The following NUDC variants were observed in gnomAD, a reference collection of about 807,000 sequenced individuals.
NUDC encodes the protein nuclear distribution C, dynein complex regulator.
Under a neutral mutation model 45.0 loss-of-function variants are expected in NUDC, and 14 were observed. That is an observed-to-expected ratio of 0.31 (90% CI 0.21 to 0.49). The LOEUF is 0.49. NUDC is among the 20% of genes least tolerant of loss of function. NUDC has a pLI of 0.99. For synonymous variants in NUDC, 153 were observed against 156.7 expected (o/e 0.98, Z 0.17); for missense variants, 323 against 426.2 (o/e 0.76, Z 2.13).
chr1:26,910,332 T>C (rs1320814261), intron 2 of NUDC, among the ~76,000 whole-genome samples: 3 of 152,142 alleles, frequency 2.0e-5, no homozygotes, highest in African/African-American at 7.2e-5. Flanking sequence ...CCAAGTTGTG[T>C]TGTTTGTATT....
intron 2 of NUDC, among the ~76,000 whole-genome samples, chr1:26,929,438 A>C (rs1254654869): frequency 6.6e-6 from 1 of 152,128 alleles, no homozygotes; most frequent in Non-Finnish European, 1.5e-5. Context: ...AATTAAAAAA[A>C]TATAATCTAA....
rs1557681330 is a variant in NUDC at position 26,942,674 on chromosome 1, T to G, written c.444T>G (p.Asp148Glu). Residue 148 changes from aspartate (D) to glutamate (E), a missense_variant, in exon 5 of 9, where the codon GAT (aspartate) becomes GAG (glutamate). Coordinates refer to ENST00000321265, the MANE Select transcript of NUDC (RefSeq NM_006600.4). ...ATTGTAAGCAGGATACTGAGGAAGA[T>G]GAGGAGGAAGATGAGAAGGACAAAG... ...DSPGKQDTEE[D>E]EEEDEKDKGK... 1 of 1,613,866 alleles carries G rather than the reference T, an allele frequency of 6.2e-7. No homozygotes were observed.
chr1:26,933,441 ATTACTC>A (rs1480786034), intron 2 of NUDC, among the ~76,000 whole-genome samples: 1 of 151,524 alleles, frequency 6.6e-6, no homozygotes, highest in Non-Finnish European at 1.5e-5. Context: ...TTAAGACAGT[ATTACTC>A]TTGTTGCCCA....
At chr1:26,912,415 G>A (rs1276981374) in intron 3 of NUDC, among the ~76,000 whole-genome samples, 1 of 151,920 alleles carries the variant, frequency 6.6e-6, no homozygotes. Context: ...CTGTAAAACG[G>A]GAATAATAAT....
intron 3 of NUDC, chr1:26,913,724 G>T: frequency 6.2e-7 from 1 of 1,606,874 alleles, no homozygotes; most frequent in Non-Finnish European, 8.5e-7. Flanking sequence ...AAGGATGGCA[G>T]GTTCCTGAGG....
At chr1:26,941,892 C>T in intron 4 of NUDC, 74 bp downstream of exon 4, 1 of 1,395,036 alleles carries the variant, frequency 7.2e-7, no homozygotes, top group Non-Finnish European at 1.0e-6. Context: ...CTACTGCTTT[C>T]TCTGGAATAC....
intron 1 of NUDC, 74 bp from the exon 2 acceptor site, chr1:26,924,015 A>G: frequency 7.3e-7 from 1 of 1,373,126 alleles, no homozygotes; most frequent in Non-Finnish European, 1.0e-6. Flanking sequence ...CCTAGACAAA[A>G]CAAGTTGACT....
chr1:26,913,503 C>T, intron 3 of NUDC: 1 of 1,613,524 alleles, frequency 6.2e-7, no homozygotes, highest in African/African-American at 1.3e-5. Flanking sequence ...GAAGCCACTG[C>T]ACCGCAGCCA....
intron 3 of NUDC, among the ~76,000 whole-genome samples, chr1:26,915,469 A>G (rs1477308750): frequency 6.6e-6 from 1 of 152,164 alleles, no homozygotes; most frequent in African/African-American, 2.4e-5. Context: ...GAGAAGGTGG[A>G]GAGGCCCTTG....
At chr1:26,933,277 G>A (rs756171668) in intron 2 of NUDC, among the ~76,000 whole-genome samples, 7 of 151,648 alleles carry the variant, frequency 4.6e-5, no homozygotes, top group Non-Finnish European at 5.9e-5. Flanking sequence ...TGGACTTTTG[G>A]GTTGCTTTCA....
At chr1:26,944,886 AC>A (rs1293193381) in intron 6 of NUDC, among the ~76,000 whole-genome samples, 1 of 152,066 alleles carries the variant, frequency 6.6e-6, no homozygotes, top group African/African-American at 2.4e-5. Context: ...TACTAAAAAT[AC>A]AAAAATTAGC....
chr1:26,924,927 C>T (rs2082119002), intron 2 of NUDC, among the ~76,000 whole-genome samples: 1 of 151,704 alleles, frequency 6.6e-6, no homozygotes, highest in Non-Finnish European at 1.5e-5. Context: ...GTTGCGCAGG[C>T]TGGAGTGCAG....
intron 2 of NUDC, among the ~76,000 whole-genome samples, chr1:26,902,699 A>G (rs1476203358): frequency 6.6e-6 from 1 of 151,966 alleles, no homozygotes; most frequent in African/African-American, 2.4e-5. Flanking sequence ...GCAGTGAGCC[A>G]TGATTGTGCC....
At chr1:26,924,660 TCTC>T (rs1165720686) in intron 2 of NUDC, among the ~76,000 whole-genome samples, 1 of 152,104 alleles carries the variant, frequency 6.6e-6, no homozygotes, top group African/African-American at 2.4e-5. Context: ...TTCAAGCAAT[TCTC>T]CTGCCTCAGC....
chr1:26,917,390 C>T (rs1336382754), upstream of NUDC, among the ~76,000 whole-genome samples: 1 of 150,116 alleles, frequency 6.7e-6, no homozygotes, highest in Non-Finnish European at 1.5e-5. Flanking sequence ...GGCAAAACTC[C>T]ATCTCTACTA....
chr1:26,906,325 G>A (rs906109403), intron 2 of NUDC, among the ~76,000 whole-genome samples: 8 of 151,654 alleles, frequency 5.3e-5, no homozygotes, highest in South Asian at 2.1e-4. Flanking sequence ...GTGTGGTGGC[G>A]CATGCCTGTA....
chr1:26,945,519 C>T (rs1570749534), intron 7 of NUDC, 46 bp downstream of exon 7: 1 of 1,610,528 alleles, frequency 6.2e-7, no homozygotes, highest in East Asian at 2.2e-5. Context: ...AGGTGAGGGG[C>T]CTCGTTGTTT....
At chr1:26,936,134 A>AACATATATATAT (rs1553163907) in intron 2 of NUDC, among the ~76,000 whole-genome samples, 5 of 6,812 alleles carry the variant, frequency 7.3e-4, no homozygotes, top group Non-Finnish European at 1.1e-3. Flanking sequence ...ACGCCCGGCT[A>AACATATATATAT]ATATATATAT....
chr1:26,920,523 A>G (rs946180341), upstream of NUDC, among the ~76,000 whole-genome samples: 4 of 151,746 alleles, frequency 2.6e-5, no homozygotes, highest in African/African-American at 9.7e-5. Flanking sequence ...TACTGTAGAG[A>G]GATGGGAGGT....
Sources: gnomAD v4.1 joint callset for allele counts (sites outside exome capture counted in the v4.1 genomes callset) on GRCh38, gnomAD v4.1.1 for gene constraint, MANE v1.5 for transcripts, NCBI Gene and HGNC (gene_info 2026-07-23, HGNC 2026-07-21) for gene names.